PICALM: variants seen among roughly 807,000 people sequenced by gnomAD.
The protein encoded by PICALM is phosphatidylinositol-binding clathrin assembly protein.
A neutral mutation model predicts 80.5 loss-of-function variants in PICALM; 40 were observed. The observed-to-expected ratio is 0.50, with a 90% confidence interval of 0.39 to 0.65. The LOEUF is 0.65. PICALM is among the 30% of genes least tolerant of loss of function. The pLI is 0.00. For missense variants in PICALM, 676 were observed against 778.9 expected, an observed-to-expected ratio of 0.87 and a Z score of 1.57; for synonymous variants, 288 against 260.3, an observed-to-expected ratio of 1.11 and a Z score of -1.02.
intron 5 of PICALM, 62 bp from the exon 6 acceptor site, chr11:86,012,454 G>T: frequency 1.1e-6 from 1 of 904,102 alleles, no homozygotes; most frequent in South Asian, 1.4e-5. Context: ...TTGACAAAAA[G>T]ATTTCCTTCA....
At chr11:86,021,018 C>G (rs533073078) in intron 4 of PICALM, among the ~76,000 whole-genome samples, 81 of 151,968 alleles carry the variant, frequency 5.3e-4, no homozygotes, top group Non-Finnish European at 9.7e-4. Flanking sequence ...AAAATTCTTG[C>G]AACTTAACAA....
At chr11:85,979,627 T>TAA (rs2094381652) in intron 17 of PICALM, among the ~76,000 whole-genome samples, 1 of 152,182 alleles carries the variant, frequency 6.6e-6, no homozygotes, top group African/African-American at 2.4e-5. Context: ...TATGAAGTCT[T>TAA]AAGCTATATA....
rs912715281 is a variant in PICALM, at chr11:86,033,933, AAG to A, written c.131-2324_131-2323del. Among the ~76,000 whole-genome samples, 54 of 152,308 alleles carry A rather than the reference AAG, an allele frequency of 3.5e-4. 1 individual carries two copies. The highest frequency in any genetic ancestry group is 1.3e-3 in the African/African-American group (53 of 41,572). On this transcript the variant is annotated intron_variant, in intron 1 of 19. Transcript: ENST00000393346. The stretch of plus-strand genomic sequence containing the variant: ...ACTATCTGTACAACCTGCTATTCCC[AAG>A]AGGTTGAAAAACAAAGCCGAGCCCA...
chr11:86,068,582 G>C lies in PICALM; in HGVS notation c.130+69C>G. Reference sequence around the variant, plus strand: ...GGCAGTAGAAGGGTGAAAGACAAGAGAGAGAGAGAAGGACGCGCGCGGGTC... The same window carrying C: ...GGCAGTAGAAGGGTGAAAGACAAGACAGAGAGAGAAGGACGCGCGCGGGTC... On this transcript the variant is annotated intron_variant, in intron 1 of 19. Coordinates refer to ENST00000393346, the MANE Select transcript of PICALM (RefSeq NM_007166.4). 3 of 1,460,430 alleles carry C rather than the reference G, an allele frequency of 2.1e-6. 1 individual carries two copies. The highest frequency in any genetic ancestry group is 2.4e-5 in the East Asian group (1 of 42,038). The allele number at this position is 1,460,430 out of a possible 1,614,324, so 90.5% of individuals were successfully genotyped here. A position where few individuals can be genotyped will look rare whatever the true frequency, so the allele number is the denominator to read the frequency against.
intron 1 of PICALM, among the ~76,000 whole-genome samples, chr11:86,051,111 T>C (rs1350899183): frequency 1.3e-5 from 2 of 152,156 alleles, no homozygotes; most frequent in Non-Finnish European, 2.9e-5. Context: ...AATGATATAG[T>C]AGTAAATGGG....
intron 16 of PICALM, among the ~76,000 whole-genome samples, chr11:85,981,538 C>T (rs2094442772): frequency 6.6e-6 from 1 of 150,968 alleles, no homozygotes; most frequent in Non-Finnish European, 1.5e-5. Flanking sequence ...ATCCGGGAGG[C>T]GGAGCTTGCA....
chr11:85,966,097 G>C (rs2093885567), intron 19 of PICALM, among the ~76,000 whole-genome samples: 1 of 152,088 alleles, frequency 6.6e-6, no homozygotes, highest in Non-Finnish European at 1.5e-5. Context: ...GGGATTACAG[G>C]TGTGAGCCAC....
chr11:85,984,141 G>A (rs1359758619), intron 13 of PICALM, among the ~76,000 whole-genome samples, 168 bp from the exon 14 acceptor site: 2 of 152,074 alleles, frequency 1.3e-5, no homozygotes, highest in Non-Finnish European at 2.9e-5. Flanking sequence ...CAGTGATTGC[G>A]TTTTCCCTAA....
intron 1 of PICALM, among the ~76,000 whole-genome samples, chr11:86,046,987 T>C (rs1299796684): frequency 6.6e-6 from 1 of 152,250 alleles, no homozygotes; most frequent in African/African-American, 2.4e-5. Context: ...AGTCTTCCAA[T>C]TTAACAACAG....
intron 1 of PICALM, among the ~76,000 whole-genome samples, chr11:86,051,719 T>C (rs916314921): frequency 1.3e-5 from 2 of 152,190 alleles, no homozygotes; most frequent in Non-Finnish European, 2.9e-5. Context: ...CTTACATATT[T>C]ACATAAATTA....
rs149179479 is a variant in PICALM at position 85,983,957 on chromosome 11, T to C, written c.1425A>G (p.Pro475=). 8.6e-5 allele frequency: 136 copies of C among 1,585,154 alleles called. 3 individuals are homozygous for C. The highest frequency in any genetic ancestry group is 6.7e-5 in the Admixed American group (4 of 59,338). ...HEMFVGFTPS[P]VAQPHPSAGL... ...CAGCTGAAGGGTGTGGCTGTGCAAC[T>C]GGAGAAGGAGTGAATCCTGAGTAAA... The change falls in exon 14 of 20, where the codon CCA becomes CCG. Residue 475 remains proline (P), a synonymous_variant. Coordinates refer to ENST00000393346, the MANE Select transcript of PICALM (RefSeq NM_007166.4).
chr11:85,965,002 T>C lies in PICALM; in HGVS notation c.1945-5942A>G, dbSNP rs1217393383. 3.3e-5 allele frequency among the ~76,000 whole-genome samples: 5 copies of C among 152,242 alleles called. No individual in the cohort carries two copies. In the East Asian group the frequency reaches 9.6e-4, roughly 29 times the overall value. Reference sequence around the variant, plus strand: ...ATATATTGCTGTAGAAATATATGAATGTATTTTATAAATACACATACAGTC... The same window carrying C: ...ATATATTGCTGTAGAAATATATGAACGTATTTTATAAATACACATACAGTC... On this transcript the variant is annotated intron_variant, in intron 19 of 19. Transcript: ENST00000393346.
At chr11:85,995,781 A>G (rs1486819798) in intron 12 of PICALM, among the ~76,000 whole-genome samples, 2 of 152,226 alleles carry the variant, frequency 1.3e-5, no homozygotes, top group Non-Finnish European at 2.9e-5. Flanking sequence ...ACATTAGGAT[A>G]TTAAGAAACT....
At chr11:86,028,288 T>C (rs1177853884) in intron 2 of PICALM, among the ~76,000 whole-genome samples, 1 of 152,180 alleles carries the variant, frequency 6.6e-6, no homozygotes, top group East Asian at 1.9e-4. Flanking sequence ...TAACCTGAAA[T>C]GGATTATCCT....
At chr11:85,999,327 G>T (rs2095073768) in intron 11 of PICALM, among the ~76,000 whole-genome samples, 1 of 152,198 alleles carries the variant, frequency 6.6e-6, no homozygotes, top group Non-Finnish European at 1.5e-5. Flanking sequence ...TGGGCTGTAA[G>T]ATTTGCCCTT....
chr11:86,021,074 T>TC (rs1384873710), intron 4 of PICALM, among the ~76,000 whole-genome samples: 1 of 152,142 alleles, frequency 6.6e-6, no homozygotes, highest in Non-Finnish European at 1.5e-5. Context: ...AAAGGCCAGG[T>TC]CAGTAGCTCA....
chr11:86,008,341 G>A (rs2095320898), intron 7 of PICALM, among the ~76,000 whole-genome samples: 1 of 152,132 alleles, frequency 6.6e-6, no homozygotes, highest in Admixed American at 6.5e-5. Context: ...TCTGATAAAG[G>A]CCAGATATGG....
chr11:86,021,791 T>C (rs997756835), intron 4 of PICALM, among the ~76,000 whole-genome samples: 8 of 152,174 alleles, frequency 5.3e-5, no homozygotes, highest in Admixed American at 5.2e-4. Context: ...GCCATCACCT[T>C]ATGAACAGAT....
chr11:85,982,303 C>T (rs1479960551), intron 14 of PICALM: 2 of 240,980 alleles, frequency 8.3e-6, no homozygotes, highest in African/African-American at 4.4e-5. Flanking sequence ...TGTAATTCTC[C>T]TGCTAGCCCA....
Sources: gnomAD v4.1 joint callset for allele counts (sites outside exome capture counted in the v4.1 genomes callset) on GRCh38, gnomAD v4.1.1 for gene constraint, MANE v1.5 for transcripts, NCBI Gene and HGNC (gene_info 2026-07-23, HGNC 2026-07-21) for gene names.